The following PDE4B variants were observed in gnomAD, a reference collection of about 807,000 sequenced individuals.
PDE4B encodes phosphodiesterase 4B.
A neutral mutation model predicts 82.2 loss-of-function variants in PDE4B; 20 were observed. The observed-to-expected ratio is 0.24, with a 90% confidence interval of 0.17 to 0.35. The LOEUF (loss-of-function observed/expected upper bound fraction) is 0.35. Among genes scored for constraint, PDE4B ranks in the 10% least tolerant of loss-of-function variants. The pLI is 1.00. For synonymous variants in PDE4B, 320 were observed against 318.9 expected (o/e 1.00, Z -0.04); for missense variants, 655 against 907.2 (o/e 0.72, Z 3.57).
intron 3 of PDE4B, among the ~76,000 whole-genome samples, chr1:66,211,353 A>T (rs1650033533): frequency 6.6e-6 from 1 of 151,860 alleles, no homozygotes; most frequent in South Asian, 2.1e-4. Flanking sequence ...CTCTCTTTAA[A>T]CTCTCAAAAC....
chr1:66,351,206 T>C (rs1313160033), intron 8 of PDE4B, among the ~76,000 whole-genome samples: 1 of 152,220 alleles, frequency 6.6e-6, no homozygotes, highest in Non-Finnish European at 1.5e-5. Flanking sequence ...CCATTTCCTC[T>C]GGGGACATTA....
In PDE4B at chr1:65,918,716, A is replaced by G. The variant is rs1381963441; in HGVS notation, c.162A>G (p.Pro54=). The G allele has an allele frequency of 1.9e-6, 3 of 1,612,348 alleles. No individual in the cohort carries two copies. The African/African-American group carries it at 4.0e-5, about 22-fold the overall frequency. The part of the protein sequence containing the change: ...RCCSGNLQLP[P]LSQRQSERAR... ...GCTCAGGAAACTTACAGTTACCACC[A>G]CTGTCTCAAAGACAGAGTGAAAGGG... Residue 54 remains proline, a synonymous_variant, in exon 3 of 17, where the codon CCA becomes CCG. Transcript: ENST00000341517.
chr1:66,082,680 A>T (rs1446231127), intron 3 of PDE4B, among the ~76,000 whole-genome samples: 1 of 151,228 alleles, frequency 6.6e-6, no homozygotes, highest in Non-Finnish European at 1.5e-5. Context: ...TAAAGCGCTC[A>T]GTAGAAAGGC....
intron 7 of PDE4B, among the ~76,000 whole-genome samples, chr1:66,293,917 G>A (rs2101818555): frequency 6.6e-6 from 1 of 152,208 alleles, no homozygotes; most frequent in Non-Finnish European, 1.5e-5. Flanking sequence ...GGTTCAAAAA[G>A]CTCTGTGGCC....
chr1:65,843,789 C>T (rs1447818794), intron 1 of PDE4B, among the ~76,000 whole-genome samples: 1 of 151,924 alleles, frequency 6.6e-6, no homozygotes, highest in Non-Finnish European at 1.5e-5. Flanking sequence ...TTAAAAGAAG[C>T]TATAACTTAG....
intron 7 of PDE4B, among the ~76,000 whole-genome samples, chr1:66,276,915 G>A (rs928351271): frequency 2.6e-5 from 4 of 152,222 alleles, no homozygotes; most frequent in Admixed American, 6.5e-5. Context: ...ATCTAAATGC[G>A]TTATTTTACG....
At chr1:65,912,211 G>A (rs1004648242) in intron 1 of PDE4B, among the ~76,000 whole-genome samples, 3 of 151,988 alleles carry the variant, frequency 2.0e-5, no homozygotes, top group Non-Finnish European at 4.4e-5. Context: ...GTATTGTCTT[G>A]TAGTCTGTTG....
chr1:65,940,337 GT>G (rs1200995817), intron 3 of PDE4B, among the ~76,000 whole-genome samples: 3 of 152,080 alleles, frequency 2.0e-5, no homozygotes, highest in Admixed American at 1.3e-4. Context: ...AGTTGAAATT[GT>G]AGAGGGAGGG....
chr1:66,045,155 T>G (rs1288640356), intron 3 of PDE4B, among the ~76,000 whole-genome samples: 1 of 151,662 alleles, frequency 6.6e-6, no homozygotes, highest in Admixed American at 6.6e-5. Flanking sequence ...AAACTGACCT[T>G]TTTCTCCTTT....
At position 66,158,742 on chromosome 1, in the gene PDE4B, C is replaced by T. The variant is rs188742307; in HGVS notation, c.282-88718C>T. 6.2e-4 allele frequency among the ~76,000 whole-genome samples: 94 copies of T among 152,264 alleles called. 1 individual carries two copies. The highest frequency in any genetic ancestry group is 1.9e-3 in the African/African-American group (81 of 41,558). Reference sequence around the variant, plus strand: ...CAGCAAACATGGCATATATACACAACGGAATACTATCCAATCATAACACAA... The same window carrying T: ...CAGCAAACATGGCATATATACACAATGGAATACTATCCAATCATAACACAA... On this transcript the variant is annotated intron_variant, in intron 3 of 16. Transcript: ENST00000341517.
At chr1:66,305,279 G>A (rs955766585) in intron 7 of PDE4B, among the ~76,000 whole-genome samples, 9 of 152,078 alleles carry the variant, frequency 5.9e-5, no homozygotes, top group African/African-American at 1.9e-4. Context: ...AGAGGGAATA[G>A]CACAGTTTTA....
chr1:66,248,306 A>C (rs1462676254), intron 4 of PDE4B, among the ~76,000 whole-genome samples: 1 of 152,226 alleles, frequency 6.6e-6, no homozygotes, highest in African/African-American at 2.4e-5. Flanking sequence ...AATTTCCAAA[A>C]CCAAATAAAA....
chr1:66,264,589 T>G (rs1052833061), intron 6 of PDE4B, among the ~76,000 whole-genome samples: 1 of 152,180 alleles, frequency 6.6e-6, no homozygotes, highest in Non-Finnish European at 1.5e-5. Flanking sequence ...TTCATACCAC[T>G]GAGAGTTTAA....
At chr1:65,828,827 G>A (rs1391301666) in intron 1 of PDE4B, among the ~76,000 whole-genome samples, 2 of 152,006 alleles carry the variant, frequency 1.3e-5, no homozygotes, top group Non-Finnish European at 2.9e-5. Context: ...GTCAATTTAG[G>A]AAATAAAATG....
At chr1:66,325,030 G>A (rs1659645715) in intron 7 of PDE4B, among the ~76,000 whole-genome samples, 1 of 152,120 alleles carries the variant, frequency 6.6e-6, no homozygotes, top group South Asian at 2.1e-4. Context: ...TAGGCCAGTA[G>A]CCTCAACCTA....
intron 3 of PDE4B, among the ~76,000 whole-genome samples, chr1:65,924,764 G>A (rs1038170724): frequency 3.3e-5 from 5 of 152,216 alleles, no homozygotes; most frequent in African/African-American, 1.2e-4. Flanking sequence ...TCCTGGCTGT[G>A]GCTGACTAGA....
intron 3 of PDE4B, among the ~76,000 whole-genome samples, chr1:65,942,585 G>A (rs757865480): frequency 6.6e-6 from 1 of 151,824 alleles, no homozygotes; most frequent in Non-Finnish European, 1.5e-5. Context: ...CTATTTTTAA[G>A]TTTTTGAGAA....
chr1:66,334,381 G>A (rs550727988), intron 8 of PDE4B, among the ~76,000 whole-genome samples: 89 of 152,300 alleles, frequency 5.8e-4, no homozygotes, highest in Non-Finnish European at 1.0e-3. Flanking sequence ...GCTGGAATTA[G>A]ACATTGACTG....
At chr1:65,964,056 T>A (rs897738275) in intron 3 of PDE4B, among the ~76,000 whole-genome samples, 5 of 152,142 alleles carry the variant, frequency 3.3e-5, no homozygotes, top group African/African-American at 1.2e-4. Flanking sequence ...TAAAAAATAT[T>A]TCCTCTGAAC....
Sources: allele counts gnomAD v4.1 joint callset (sites outside exome capture counted in the v4.1 genomes callset), GRCh38; gene constraint gnomAD v4.1.1; transcripts MANE v1.5; gene names NCBI Gene and HGNC (gene_info 2026-07-23, HGNC 2026-07-21).